Variants in NIPSNAP2 observed in about 807,000 individuals in gnomAD.
NIPSNAP2 encodes protein NipSnap homolog 2.
NIPSNAP2 carries 42 observed loss-of-function variants against 48.4 expected under a neutral mutation model. The ratio of observed to expected loss-of-function variants is 0.87; its 90% CI spans 0.68 to 1.12. The LOEUF (loss-of-function observed/expected upper bound fraction) is 1.12, where lower values mean the gene tolerates loss of function less well. Among genes scored for constraint, NIPSNAP2 ranks in the 50% most tolerant of loss-of-function variants. The probability of loss-of-function intolerance (pLI) is 0.00; values close to 1 mark genes in which losing one functional copy is unlikely to be tolerated. For missense variants in NIPSNAP2, 314 were observed against 347.3 expected, an observed-to-expected ratio of 0.90 and a Z score of 0.76; for synonymous variants, 158 against 126.6, an observed-to-expected ratio of 1.25 and a Z score of -1.67.
At chr7:55,981,842 G>A (rs1235782067) in intron 4 of NIPSNAP2, 4 of 379,870 alleles carry the variant, frequency 1.1e-5, no homozygotes, top group Non-Finnish European at 1.9e-5. Context: ...GTCTTGCTCT[G>A]TTGCCCAGGC....
At chr7:55,991,911 A>T in intron 7 of NIPSNAP2, 1 of 214,772 alleles carries the variant, frequency 4.7e-6, no homozygotes, top group Non-Finnish European at 9.9e-6. Context: ...TGCCTACCAT[A>T]ACTAAATTAC....
chr7:55,975,794 T>C (rs894906786), intron 1 of NIPSNAP2, among the ~76,000 whole-genome samples: 3 of 152,162 alleles, frequency 2.0e-5, no homozygotes, highest in Admixed American at 2.0e-4. Flanking sequence ...TCCCAGCACT[T>C]TGGGAGGCCG....
At chr7:55,994,807 C>A (rs1787523599) in intron 7 of NIPSNAP2, 87 bp from the exon 8 acceptor site, 2 of 1,070,936 alleles carry the variant, frequency 1.9e-6, no homozygotes, top group Non-Finnish European at 2.9e-6. Context: ...AAACAGCCTG[C>A]CCTGAGTATG....
At chr7:55,966,609 A>T (rs532420375) in intron 1 of NIPSNAP2, among the ~76,000 whole-genome samples, 3 of 152,010 alleles carry the variant, frequency 2.0e-5, no homozygotes, top group Non-Finnish European at 4.4e-5. Flanking sequence ...ATGACAAAAC[A>T]CATCTCTACA....
Position 55,991,765 on chromosome 7 carries a change from A to AAAAATATATATAT in NIPSNAP2, c.618-3128_618-3127insAAATATATATATA, listed in dbSNP as rs1554344168. On this transcript the variant is annotated intron_variant, in intron 7 of 9. Coordinates refer to ENST00000322090, the MANE Select transcript of NIPSNAP2 (RefSeq NM_001483.3). Reference sequence around the variant, plus strand: ...CTCTGTCTCAAAAAAAAAAAAAAAAAATATATATATATATATAATTTATAA... The same window carrying AAAAATATATATAT: ...CTCTGTCTCAAAAAAAAAAAAAAAAAAAAATATATATATATATATATATATATATAATTTATAA... The AAAAATATATATAT allele has an allele frequency of 6.2e-5, 9 of 146,036 alleles. No homozygotes were observed. In the South Asian group the frequency reaches 1.2e-3, roughly 19 times the overall value. The allele number at this position is 146,036 out of a possible 1,614,324, so 9.0% of individuals were successfully genotyped here. A position where few individuals can be genotyped will look rare whatever the true frequency, so the allele number is the denominator to read the frequency against.
intron 1 of NIPSNAP2, chr7:55,965,089 G>C (rs1786864066): frequency 6.5e-6 from 1 of 153,100 alleles, no homozygotes; most frequent in East Asian, 1.9e-4. Flanking sequence ...GTCCTCGCCG[G>C]AGGCTGTTCC....
In NIPSNAP2 at chr7:55,982,296, A is replaced by C. The variant is rs1787230741; in HGVS notation, c.444+16A>C. 1.4e-5 allele frequency: 20 copies of C among 1,471,974 alleles called. 1 individual carries two copies. The highest frequency in any genetic ancestry group is 1.8e-5 in the Non-Finnish European group (19 of 1,054,434). 91.2% of individuals were successfully genotyped at this position (1,471,974 alleles called of 1,614,324 possible). ...AGAAAATAAGGTAATGATATTGAAAAATGTTTACTTAGACTAATGATATAT... is the reference window on the plus strand; with the variant it reads ...AGAAAATAAGGTAATGATATTGAAACATGTTTACTTAGACTAATGATATAT... On this transcript the variant is annotated intron_variant, in intron 5 of 9. Transcript: ENST00000322090.
intron 1 of NIPSNAP2, chr7:55,965,115 C>G (rs1478079863): frequency 2.0e-5 from 3 of 152,536 alleles, no homozygotes; most frequent in South Asian, 4.1e-4. Context: ...TGAGTGGCTG[C>G]GTCTGCCGAG....
intron 3 of NIPSNAP2, chr7:55,978,906 T>G (rs1562764014): frequency 6.5e-6 from 1 of 153,244 alleles, no homozygotes; most frequent in Non-Finnish European, 1.5e-5. Context: ...GATTCTCCTA[T>G]GATTTGCGAT....
At chr7:55,974,437 C>A (rs1253925636) in intron 1 of NIPSNAP2, among the ~76,000 whole-genome samples, 1 of 151,880 alleles carries the variant, frequency 6.6e-6, no homozygotes, top group Admixed American at 6.6e-5. Context: ...TTTTTCTTGT[C>A]CCTTGTTTAA....
intron 9 of NIPSNAP2, among the ~76,000 whole-genome samples, chr7:55,998,519 T>TTTTTTTTTTTTTTTTTGGGGGGG: frequency 6.9e-6 from 1 of 145,464 alleles, no homozygotes; most frequent in Admixed American, 7.0e-5. Context: ...TTTTTTTTTT[T>TTTTTTTTTTTTTTTTTGGGGGGG]GAGACGGAGT....
At chr7:55,993,852 G>A (rs1037418601) in intron 7 of NIPSNAP2, among the ~76,000 whole-genome samples, 16 of 151,536 alleles carry the variant, frequency 1.1e-4, no homozygotes, top group African/African-American at 3.9e-4. Context: ...ATGTATATTA[G>A]TACTTTCTTC....
intron 6 of NIPSNAP2, 51 bp from the exon 7 acceptor site, chr7:55,984,796 A>AT (rs533463378): frequency 4.7e-3 from 6,276 of 1,324,956 alleles, no homozygotes; most frequent in Non-Finnish European, 5.4e-3. Flanking sequence ...CTATTTCTGT[A>AT]TTTTTTTTTT....
At chr7:55,972,653 C>T (rs1260978278) in intron 1 of NIPSNAP2, among the ~76,000 whole-genome samples, 1 of 151,886 alleles carries the variant, frequency 6.6e-6, no homozygotes, top group East Asian at 1.9e-4. Context: ...TCTGGTTTCC[C>T]GACCTCAGGT....
At chr7:55,990,558 T>G (rs1272321764) in intron 7 of NIPSNAP2, among the ~76,000 whole-genome samples, 1 of 151,948 alleles carries the variant, frequency 6.6e-6, no homozygotes, top group Admixed American at 6.6e-5. Flanking sequence ...GGGAGATGTG[T>G]GTGTTTATTT....
rs534456171 is a variant in NIPSNAP2 at position 55,993,011 on chromosome 7, G to T, written c.618-1883G>T. ...AGTGGTGCAAGTATGAAAGGAAAGG[G>T]CTCTGAGCCAGGCGCAGTGGCTCAC... is the stretch of plus-strand genomic sequence containing the variant. On this transcript the variant is annotated intron_variant, in intron 7 of 9. Transcript: ENST00000322090. Among the ~76,000 whole-genome samples, 5 of 152,086 alleles carry T rather than the reference G, an allele frequency of 3.3e-5. No homozygotes were observed. The East Asian group carries it at 9.7e-4, about 29-fold the overall frequency.
intron 7 of NIPSNAP2, among the ~76,000 whole-genome samples, chr7:55,991,403 C>G (rs1475827904): frequency 6.6e-6 from 1 of 151,914 alleles, no homozygotes; most frequent in Non-Finnish European, 1.5e-5. Context: ...CTGATCAAGA[C>G]TCGCTCGCCG....
chr7:55,969,748 C>T (rs1367327633), intron 1 of NIPSNAP2, among the ~76,000 whole-genome samples: 2 of 152,014 alleles, frequency 1.3e-5, no homozygotes, highest in African/African-American at 4.8e-5. Context: ...CTTTGGGAGG[C>T]CAAGGTGGGC....
chr7:55,997,673 A>G (rs1449793143), intron 9 of NIPSNAP2, among the ~76,000 whole-genome samples: 1 of 152,132 alleles, frequency 6.6e-6, no homozygotes, highest in African/African-American at 2.4e-5. Context: ...CATCTGTTAC[A>G]GTTTTCAGAC....
Sources: allele counts gnomAD v4.1 joint callset (sites outside exome capture counted in the v4.1 genomes callset), GRCh38; gene constraint gnomAD v4.1.1; transcripts MANE v1.5; gene names NCBI Gene and HGNC (gene_info 2026-07-23, HGNC 2026-07-21).